Variants in ZNF112 observed in about 807,000 individuals in gnomAD.
The protein encoded by ZNF112 is zinc finger protein 112.
Under a neutral mutation model 77.7 loss-of-function variants are expected in ZNF112, and 37 were observed. That is an observed-to-expected ratio of 0.48 (90% confidence interval 0.37 to 0.63). ZNF112 has a LOEUF of 0.63. ZNF112 is among the 20% of genes least tolerant of loss of function. The probability of loss-of-function intolerance (pLI) is 0.00; values close to 1 mark genes in which losing one functional copy is unlikely to be tolerated. For missense variants in ZNF112, 950 were observed against 1,077.4 expected (o/e 0.88, Z 1.66); for synonymous variants, 333 against 363.6 (o/e 0.92, Z 0.96).
At position 44,328,493 on chromosome 19, in the gene ZNF112, C is replaced by A; in HGVS notation, c.1664G>T (p.Gly555Val). The part of the protein sequence containing the change: ...KPYKCEECDK[G>V]FSRSSYLQAH... ...TTGAAGATATGAACTCCGACTGAAT[C>A]CCTTATCACATTCCTCGCATTTATA... Residue 555 changes from glycine to valine, a missense_variant, in exon 4 of 4, where the codon GGA becomes GTA. This residue lies in a region of ZNF112 where 373 missense variants were observed against 482.8 expected (regional missense o/e 0.77). Transcript: ENST00000354340. 1 of 1,611,794 alleles carries A rather than the reference C, an allele frequency of 6.2e-7. No homozygotes were observed. Among genetic ancestry groups the A allele is most frequent in the South Asian group, 1.1e-5 (1 of 90,798 alleles).
At chr19:44,355,993 G>A (rs546738027) in intron 1 of ZNF112, among the ~76,000 whole-genome samples, 31 of 152,290 alleles carry the variant, frequency 2.0e-4, no homozygotes, top group African/African-American at 7.5e-4. Flanking sequence ...AAAGGAGGAT[G>A]GGGGAAATCA....
At position 44,329,899 on chromosome 19, in the gene ZNF112, T is replaced by G; in HGVS notation, c.258A>C (p.Glu86Asp). 1 of 1,613,882 alleles carries G rather than the reference T, an allele frequency of 6.2e-7. No individual in the cohort carries two copies. ...KNQQKMESIQEVTVSYFSPKE... is the reference protein window; with the variant it reads ...KNQQKMESIQDVTVSYFSPKE... Reference sequence around the variant, plus strand: ...TGGGGGAAAAGTAGCTTACTGTTACTTCCTGAATACTCTCCATCTTTTGTT... The same window carrying G: ...TGGGGGAAAAGTAGCTTACTGTTACGTCCTGAATACTCTCCATCTTTTGTT... Residue 86 changes from glutamate to aspartate, a missense_variant, in exon 4 of 4, where the codon GAA becomes GAC. Coordinates refer to ENST00000354340, the MANE Select transcript of ZNF112 (RefSeq NM_013380.4).
intron 1 of ZNF112, among the ~76,000 whole-genome samples, chr19:44,340,982 ACTG>A (rs1301781714): frequency 6.6e-6 from 1 of 152,138 alleles, no homozygotes; most frequent in Non-Finnish European, 1.5e-5. Context: ...TCATCTGGAG[ACTG>A]CTGCAGTGAT....
At chr19:44,347,349 T>A (rs528738708) in intron 1 of ZNF112, among the ~76,000 whole-genome samples, 1 of 152,252 alleles carries the variant, frequency 6.6e-6, no homozygotes, top group East Asian at 1.9e-4. Context: ...TTTTAATTGA[T>A]GTATTCAGGC....
rs374446820 is a variant in ZNF112 at position 44,328,676 on chromosome 19, T to C, written c.1481A>G (p.Lys494Arg). 4.3e-6 allele frequency: 7 copies of C among 1,614,182 alleles called. No individual in the cohort carries two copies. Among genetic ancestry groups the C allele is most frequent in the South Asian group, 1.1e-5 (1 of 91,088 alleles). Residue 494 changes from lysine (K) to arginine (R), a missense_variant, in exon 4 of 4, where the codon AAG (lysine) becomes AGG (arginine). By Grantham distance (26) the Lys-to-Arg change is conservative. Around this residue, in one of 3 missense-constraint regions of ZNF112, gnomAD observed 560 missense variants for 557.3 expected, o/e 1.00. Transcript: ENST00000354340. Reference sequence around the variant, plus strand: ...CCAGTTGAAGCCATTCCCATGCTCCTTACGTGGTTTCTCTCCAATGTGAAT... The same window carrying C: ...CCAGTTGAAGCCATTCCCATGCTCCCTACGTGGTTTCTCTCCAATGTGAAT... ...PKIHIGEKPR[K>R]EHGNGFNWSS...
chr19:44,336,441 G>C (rs918374731), intron 3 of ZNF112, among the ~76,000 whole-genome samples, 182 bp downstream of exon 3: 1 of 152,176 alleles, frequency 6.6e-6, no homozygotes, highest in Non-Finnish European at 1.5e-5. Flanking sequence ...GGTGAATATG[G>C]AAAGTGAGAA....
Position 44,328,203 on chromosome 19 carries a change from C to A in ZNF112, c.1954G>T (p.Val652Phe), listed in dbSNP as rs1970170826. Residue 652 changes from valine to phenylalanine, a missense_variant, in exon 4 of 4, where the codon GTT (valine) becomes TTT (phenylalanine). Coordinates refer to ENST00000354340, the MANE Select transcript of ZNF112 (RefSeq NM_013380.4). ...TTATAGGGTTTTTCTCCTGTGTGAA[C>A]CCTCTGATGAATTTGAAGATTAAAG... ...WSFNLQIHQR[V>F]HTGEKPYKCE... 1.2e-6 allele frequency: 2 copies of A among 1,613,986 alleles called. No homozygotes were observed. The highest frequency in any genetic ancestry group is 1.7e-6 in the Non-Finnish European group (2 of 1,179,990).
chr19:44,338,465 C>G (rs1970429266), intron 2 of ZNF112, among the ~76,000 whole-genome samples: 1 of 152,122 alleles, frequency 6.6e-6, no homozygotes, highest in South Asian at 2.1e-4. Context: ...ACTGGGTAAT[C>G]AAAGTTAACA....
intron 3 of ZNF112, 31 bp from the exon 4 acceptor site, chr19:44,329,967 C>A (rs374515219): frequency 7.3e-6 from 11 of 1,509,740 alleles, no homozygotes; most frequent in Non-Finnish European, 8.1e-6. Context: ...CAGATGTGCA[C>A]GAGTGAATGC....
chr19:44,334,805 G>C (rs73555158), intron 3 of ZNF112, among the ~76,000 whole-genome samples: 10,688 of 152,304 alleles, frequency 0.07, 492 homozygotes, highest in African/African-American at 0.12. Context: ...CCTCTGCCCA[G>C]ATTTCAGAGG....
chr19:44,351,379 A>G (rs1970688802), intron 1 of ZNF112, among the ~76,000 whole-genome samples: 1 of 152,102 alleles, frequency 6.6e-6, no homozygotes, highest in Admixed American at 6.6e-5. Flanking sequence ...CACATCTTTC[A>G]ACTCATTGAT....
intron 1 of ZNF112, among the ~76,000 whole-genome samples, chr19:44,349,188 C>G (rs1358903855): frequency 2.0e-5 from 3 of 152,030 alleles, no homozygotes; most frequent in Non-Finnish European, 4.4e-5. Flanking sequence ...TCATAGGTGG[C>G]ACTCTCATTT....
chr19:44,332,875 G>A (rs1306695107), intron 3 of ZNF112, among the ~76,000 whole-genome samples: 1 of 152,180 alleles, frequency 6.6e-6, no homozygotes, highest in Non-Finnish European at 1.5e-5. Flanking sequence ...GACCACACAT[G>A]TAACAACATT....
upstream of ZNF112, among the ~76,000 whole-genome samples, chr19:44,356,837 A>G (rs1970795893): frequency 6.6e-6 from 1 of 152,196 alleles, no homozygotes; most frequent in Admixed American, 6.5e-5. Flanking sequence ...CTGCCTGCCT[A>G]GGACGCAAGT....
In ZNF112 at chr19:44,329,786, T is replaced by C. The variant is rs1380784309; in HGVS notation, c.371A>G (p.Asn124Ser). 6.2e-7 allele frequency: 1 copy of C among 1,614,024 alleles called. No individual in the cohort carries two copies. Among genetic ancestry groups the C allele is most frequent in the African/African-American group, 1.3e-5 (1 of 75,046 alleles). The change falls in exon 4 of 4, where the codon AAT (asparagine) becomes AGT (serine). Residue 124 changes from asparagine (N) to serine (S), a missense_variant. Transcript: ENST00000354340. Reference protein sequence around the residue: ...QDFLKVFQGKNSQLQEQGNSL... With the variant: ...QDFLKVFQGKSSQLQEQGNSL... ...ATTACCTTGTTCTTGCAACTGAGAA[T>C]TCTTCCCTTGAAAAACTTTCAGGAA...
chr19:44,332,737 A>T (rs1970293159), intron 3 of ZNF112, among the ~76,000 whole-genome samples: 1 of 152,236 alleles, frequency 6.6e-6, no homozygotes, highest in African/African-American at 2.4e-5. Context: ...ATAATTCATG[A>T]TATAAAAATC....
In ZNF112 at chr19:44,328,570, A is replaced by G. The variant is rs745999281; in HGVS notation, c.1587T>C (p.Asn529=). Residue 529 remains asparagine, a synonymous_variant, in exon 4 of 4, where the codon AAT becomes AAC. Transcript: ENST00000354340. ...YKCNICGKGF[N]HRSVLNVHQR... ...GATGAACATTCAGAACTGATCTATG[A>G]TTGAAACCTTTGCCGCATATATTGC... is the stretch of plus-strand genomic sequence containing the variant. The G allele has an allele frequency of 3.1e-6, 5 of 1,611,726 alleles. No individual in the cohort carries two copies. The highest frequency in any genetic ancestry group is 4.2e-6 in the Non-Finnish European group (5 of 1,178,520).
rs535954749 is a variant in ZNF112, at chr19:44,345,436, G to A, written c.-3-4894C>T. Among the ~76,000 whole-genome samples, 3 of 152,296 alleles carry A rather than the reference G, an allele frequency of 2.0e-5. No individual in the cohort carries two copies. The East Asian group carries it at 5.8e-4, about 29-fold the overall frequency. On this transcript the variant is annotated intron_variant, in intron 1 of 3. Transcript: ENST00000354340. Reference sequence around the variant, plus strand: ...AGGAAGGAGCAGTAACATGCGCTGTGGGTGTCTGCAGTCACGCACTCCGTG... The same window carrying A: ...AGGAAGGAGCAGTAACATGCGCTGTAGGTGTCTGCAGTCACGCACTCCGTG...
chr19:44,342,589 C>T (rs535468650), intron 1 of ZNF112, among the ~76,000 whole-genome samples: 2 of 151,910 alleles, frequency 1.3e-5, no homozygotes, highest in Non-Finnish European at 2.9e-5. Context: ...GGCTGAGGCA[C>T]GTAGATCACG....
Sources: allele counts gnomAD v4.1 joint callset (sites outside exome capture counted in the v4.1 genomes callset), GRCh38; gene constraint gnomAD v4.1.1; regional missense constraint gnomAD v4.1.1; transcripts MANE v1.5; gene names NCBI Gene and HGNC (gene_info 2026-07-23, HGNC 2026-07-21).